The following PDE4D variants were observed in gnomAD, a reference collection of about 807,000 sequenced individuals.
The protein encoded by PDE4D is phosphodiesterase 4D.
In PDE4D, 24 loss-of-function variants were observed where a neutral mutation model predicts 87.4. The observed-to-expected ratio is 0.27, with a 90% confidence interval of 0.20 to 0.39. The LOEUF (loss-of-function observed/expected upper bound fraction) is 0.39. PDE4D is among the 10% of genes least tolerant of loss of function. PDE4D has a pLI of 1.00. For missense variants in PDE4D, 714 were observed against 1,041.0 expected (o/e 0.69, Z 4.32); for synonymous variants, 384 against 383.2 (o/e 1.00, Z -0.02).
intron 1 of PDE4D, among the ~76,000 whole-genome samples, chr5:60,518,215 T>C (rs1197834660): frequency 6.6e-6 from 1 of 152,208 alleles, no homozygotes; most frequent in African/African-American, 2.4e-5. Context: ...TGCCTTTTTG[T>C]GCCTGGCTCA....
At chr5:60,301,538 G>A (rs1411088351) in intron 1 of PDE4D, among the ~76,000 whole-genome samples, 2 of 152,166 alleles carry the variant, frequency 1.3e-5, no homozygotes, top group Non-Finnish European at 2.9e-5. Context: ...AGGAATACCA[G>A]CAACTTTTGC....
At chr5:60,112,381 T>G (rs1164438980) in intron 2 of PDE4D, among the ~76,000 whole-genome samples, 2 of 152,088 alleles carry the variant, frequency 1.3e-5, no homozygotes, top group African/African-American at 4.8e-5. Context: ...ACTACTGTTT[T>G]GAACTGTGTG....
intron 1 of PDE4D, among the ~76,000 whole-genome samples, chr5:59,362,000 G>A (rs1338447251): frequency 6.6e-6 from 1 of 152,046 alleles, no homozygotes; most frequent in Admixed American, 6.6e-5. Flanking sequence ...CACTGTATAG[G>A]GGATTAGAGA....
intron 1 of PDE4D, among the ~76,000 whole-genome samples, chr5:60,335,281 T>C (rs1757653129): frequency 6.6e-6 from 1 of 152,066 alleles, no homozygotes; most frequent in Admixed American, 6.6e-5. Context: ...AGAAGAGGAA[T>C]GAGAGAGTAG....
intron 1 of PDE4D, among the ~76,000 whole-genome samples, chr5:60,363,656 A>G (rs1256959507): frequency 6.6e-6 from 1 of 152,218 alleles, no homozygotes; most frequent in Non-Finnish European, 1.5e-5. Context: ...GGATACTGTG[A>G]TAGGAGAAGT....
chr5:60,012,119 T>C (rs1308190353), intron 2 of PDE4D, among the ~76,000 whole-genome samples: 1 of 152,064 alleles, frequency 6.6e-6, no homozygotes, highest in Non-Finnish European at 1.5e-5. Context: ...TGAACAATAA[T>C]ATATAAAAAT....
At position 59,440,505 on chromosome 5, in the gene PDE4D, G is replaced by A. The variant is rs114037781; in HGVS notation, c.456-224537C>T. Among the ~76,000 whole-genome samples, 862 of 152,218 alleles carry A rather than the reference G, an allele frequency of 5.7e-3. 14 individuals carry two copies. The highest frequency in any genetic ancestry group is 0.02 in the African/African-American group (824 of 41,542). ...GAATTTTTCATGTAACACTGGTCGC[G>A]GTGGCTCACACCTATAATCCCAGCA... is the stretch of plus-strand genomic sequence containing the variant. On this transcript the variant is annotated intron_variant, in intron 1 of 14. Coordinates refer to ENST00000340635, the MANE Select transcript of PDE4D (RefSeq NM_001104631.2).
At chr5:59,518,202 T>C (rs1316388799) in intron 1 of PDE4D, among the ~76,000 whole-genome samples, 4 of 150,796 alleles carry the variant, frequency 2.7e-5, no homozygotes, top group Admixed American at 6.7e-5. Context: ...TTTGTGTGTG[T>C]GTGTGTGTGT....
intron 1 of PDE4D, among the ~76,000 whole-genome samples, chr5:59,754,797 ATTTTTTTTT>A (rs754869518): frequency 1.1e-3 from 105 of 96,912 alleles, no homozygotes; most frequent in African/African-American, 4.3e-3. Context: ...TCCACAGAAC[ATTTTTTTTT>A]TTTTTTTTTT....
intron 1 of PDE4D, among the ~76,000 whole-genome samples, chr5:60,350,983 AG>A (rs1193984376): frequency 6.6e-6 from 1 of 152,186 alleles, no homozygotes; most frequent in African/African-American, 2.4e-5. Flanking sequence ...CTATTGTTTC[AG>A]TGGATTAAAA....
chr5:59,667,350 C>T (rs966742857), intron 1 of PDE4D, among the ~76,000 whole-genome samples: 7 of 151,972 alleles, frequency 4.6e-5, no homozygotes, highest in Non-Finnish European at 1.0e-4. Context: ...CTCACTCTGT[C>T]GCTCAGGCTA....
chr5:59,938,342 T>C (rs899318044), intron 3 of PDE4D, among the ~76,000 whole-genome samples: 2 of 152,200 alleles, frequency 1.3e-5, no homozygotes, highest in African/African-American at 4.8e-5. Context: ...GTTTACCTGC[T>C]AATGGATAGA....
chr5:59,369,704 A>C (rs1783654981), intron 1 of PDE4D, among the ~76,000 whole-genome samples: 1 of 152,084 alleles, frequency 6.6e-6, no homozygotes. Context: ...GGGAATGTTA[A>C]AAAATTCTGT....
chr5:59,248,041 G>GCAAAAAAAAAA, intron 1 of PDE4D, among the ~76,000 whole-genome samples: 1 of 47,836 alleles, frequency 2.1e-5, no homozygotes, highest in Non-Finnish European at 4.0e-5. Context: ...GTATCTATTA[G>GCAAAAAAAAAA]TAAAAAAAAA....
intron 5 of PDE4D, among the ~76,000 whole-genome samples, chr5:59,065,061 TATATATACACACAC>T (rs1268478585): frequency 0.038 from 620 of 16,528 alleles, 14 homozygotes; most frequent in African/African-American, 0.051. Context: ...AAATGTGATA[TATATATACACACAC>T]ACACACACAC....
chr5:60,122,185 G>A (rs1468439410), intron 2 of PDE4D, among the ~76,000 whole-genome samples: 1 of 152,196 alleles, frequency 6.6e-6, no homozygotes, highest in Non-Finnish European at 1.5e-5. Context: ...TTGAGTATCT[G>A]TGGCTTTTCC....
In PDE4D at chr5:60,182,538, A is replaced by G. The variant is rs141615493; in HGVS notation, c.42+3019T>C. 8.5e-4 allele frequency among the ~76,000 whole-genome samples: 130 copies of G among 152,348 alleles called. 3 individuals are homozygous for G. In the East Asian group the frequency reaches 0.019, roughly 22 times the overall value. ...TCCCAGCTACTCAGGAGGCTGAGAC[A>G]GGAGAATGGCTTGAACTTGGGAGGC... On this transcript the variant is annotated intron_variant, in intron 2 of 16. Transcript: ENST00000502484.
intron 1 of PDE4D, among the ~76,000 whole-genome samples, chr5:60,279,038 C>T (rs1488237487): frequency 1.3e-5 from 2 of 152,164 alleles, no homozygotes; most frequent in African/African-American, 4.8e-5. Context: ...AATTGGCTTT[C>T]TCTGACACTT....
At chr5:59,145,634 G>C (rs1474576672) in intron 5 of PDE4D, among the ~76,000 whole-genome samples, 1 of 151,994 alleles carries the variant, frequency 6.6e-6, no homozygotes, top group East Asian at 1.9e-4. Context: ...AATTGCAAAG[G>C]GTATCCCTGA....
Sources: allele counts gnomAD v4.1 joint callset (sites outside exome capture counted in the v4.1 genomes callset), GRCh38; gene constraint gnomAD v4.1.1; transcripts MANE v1.5; gene names NCBI Gene and HGNC (gene_info 2026-07-23, HGNC 2026-07-21).